The following RNF38 variants were observed in gnomAD, a reference collection of about 807,000 sequenced individuals.
RNF38 encodes ring finger protein 38, also known as E3 ubiquitin-protein ligase RNF38.
In RNF38, 15 loss-of-function variants were observed where a neutral mutation model predicts 67.2. The observed-to-expected ratio is 0.22, with a 90% CI of 0.15 to 0.34. The LOEUF (loss-of-function observed/expected upper bound fraction) is 0.34. Among genes scored for constraint, RNF38 ranks in the 10% least tolerant of loss-of-function variants. The pLI is 1.00. For missense variants in RNF38, 524 were observed against 639.9 expected (o/e 0.82, Z 1.95); for synonymous variants, 220 against 218.8 (o/e 1.01, Z -0.05).
intron 2 of RNF38, among the ~76,000 whole-genome samples, chr9:36,421,030 G>A (rs1003313073): frequency 6.6e-6 from 1 of 152,174 alleles, no homozygotes; most frequent in Non-Finnish European, 1.5e-5. Flanking sequence ...TAGAGAGGAT[G>A]TCCAACAAAT....
chr9:36,480,829 G>A (rs1435874845), intron 1 of RNF38, among the ~76,000 whole-genome samples: 1 of 150,120 alleles, frequency 6.7e-6, no homozygotes, highest in East Asian at 2.0e-4. Flanking sequence ...GGATTACAGG[G>A]GTGAGCCGCC....
At chr9:36,390,717 T>C in intron 1 of RNF38, 101 bp from the exon 2 acceptor site, 2 of 1,185,712 alleles carry the variant, frequency 1.7e-6, no homozygotes, top group South Asian at 1.5e-5. Context: ...TATTTGATGA[T>C]TCTGCTAGCG....
intron 1 of RNF38, among the ~76,000 whole-genome samples, chr9:36,484,592 C>A (rs2134465128): frequency 6.6e-6 from 1 of 152,096 alleles, no homozygotes; most frequent in South Asian, 2.1e-4. Flanking sequence ...ATAAATAAAG[C>A]CCTTTTGGGT....
At chr9:36,401,329 C>T (rs1449151613), upstream of RNF38, 4 of 531,292 alleles carry the variant, frequency 7.5e-6, no homozygotes, top group South Asian at 1.7e-4. Context: ...CCCTGCGGAC[C>T]GCAGGGCCCT....
intron 1 of RNF38, among the ~76,000 whole-genome samples, chr9:36,479,852 C>A (rs543989348): frequency 6.6e-6 from 1 of 152,134 alleles, no homozygotes; most frequent in Non-Finnish European, 1.5e-5. Flanking sequence ...GTAATCCTAG[C>A]ACTTAGGGAA....
At chr9:36,475,505 C>T (rs933639623) in intron 1 of RNF38, among the ~76,000 whole-genome samples, 15 of 151,682 alleles carry the variant, frequency 9.9e-5, no homozygotes, top group African/African-American at 3.1e-4. Context: ...TTACAGGCGC[C>T]CACCACCACA....
At chr9:36,390,731 A>G (rs1837016006) in intron 1 of RNF38, 115 bp from the exon 2 acceptor site, 1 of 1,076,964 alleles carries the variant, frequency 9.3e-7, no homozygotes, top group Non-Finnish European at 1.3e-6. Flanking sequence ...GCTAGCGAAG[A>G]CAGGAAAGAA....
chr9:36,380,303 G>A (rs1040186964), intron 2 of RNF38, among the ~76,000 whole-genome samples: 4 of 152,136 alleles, frequency 2.6e-5, no homozygotes, highest in Admixed American at 6.5e-5. Flanking sequence ...GGGTTCAAGC[G>A]ATTCTCCTGC....
At chr9:36,377,400 G>GA (rs1438838900) in intron 2 of RNF38, among the ~76,000 whole-genome samples, 3 of 152,144 alleles carry the variant, frequency 2.0e-5, no homozygotes, top group Non-Finnish European at 4.4e-5. Context: ...AATCAGAACT[G>GA]ATTATTTAAG....
chr9:36,479,204 C>G lies in RNF38; in HGVS notation n.241+8104G>C, dbSNP rs11794271. On this transcript the variant is annotated intron_variant and non_coding_transcript_variant, in intron 1 of 3. Transcript: ENST00000488058. ...GGATACCATCTTTACCCCGCCTGCC[C>G]CCACTACTTGGTTGTGCCTAGGGAA... Among the ~76,000 whole-genome samples the G allele has an allele frequency of 1.2e-3, 190 of 152,300 alleles. 1 individual carries two copies. The highest frequency in any genetic ancestry group is 2.3e-3 in the Non-Finnish European group (155 of 68,036).
rs369357229 is a variant in RNF38, at chr9:36,487,070, G to A, written n.241+238C>T. 3.0e-4 allele frequency among the ~76,000 whole-genome samples: 45 copies of A among 152,322 alleles called. No individual in the cohort carries two copies. In the East Asian group the frequency reaches 8.3e-3, roughly 28 times the overall value. On this transcript the variant is annotated intron_variant and non_coding_transcript_variant, in intron 1 of 3. Transcript: ENST00000488058. The stretch of plus-strand genomic sequence containing the variant: ...CTCCTCCGCCGAGCAGAGACCTAGA[G>A]AGGTCCTGCCCTGCACACCCTGGGG...
chr9:36,469,601 T>C (rs1199385712), intron 1 of RNF38, among the ~76,000 whole-genome samples: 1 of 151,992 alleles, frequency 6.6e-6, no homozygotes, highest in Non-Finnish European at 1.5e-5. Context: ...GTGGAGGTTG[T>C]GGTGAGCCAA....
At chr9:36,340,348 G>A (rs1832748073) in intron 11 of RNF38, among the ~76,000 whole-genome samples, 3 of 152,194 alleles carry the variant, frequency 2.0e-5, no homozygotes, top group Admixed American at 2.0e-4. Context: ...TTTGGACCAA[G>A]TTAACAACTG....
At chr9:36,457,131 C>T (rs546735555) in intron 1 of RNF38, among the ~76,000 whole-genome samples, 2 of 150,748 alleles carry the variant, frequency 1.3e-5, no homozygotes, top group African/African-American at 4.8e-5. Flanking sequence ...AGAAATAAAA[C>T]AAAACCTTAA....
chr9:36,396,331 G>A (rs888017493), intron 1 of RNF38, among the ~76,000 whole-genome samples: 4 of 152,126 alleles, frequency 2.6e-5, no homozygotes, highest in African/African-American at 9.7e-5. Context: ...GAAGTCAGTG[G>A]TTGCCCAGTA....
chr9:36,461,784 A>T (rs981509712), intron 1 of RNF38, among the ~76,000 whole-genome samples: 2 of 152,156 alleles, frequency 1.3e-5, no homozygotes, highest in African/African-American at 4.8e-5. Flanking sequence ...TGGTTTAAGC[A>T]TTTCCGATGG....
At chr9:36,382,234 A>G (rs1010850082) in intron 2 of RNF38, among the ~76,000 whole-genome samples, 1 of 152,222 alleles carries the variant, frequency 6.6e-6, no homozygotes, top group Non-Finnish European at 1.5e-5. Context: ...CTATTATTTA[A>G]TAATATAGAA....
intron 4 of RNF38, among the ~76,000 whole-genome samples, chr9:36,360,100 TTCTG>T (rs1291802627): frequency 6.6e-6 from 1 of 152,136 alleles, no homozygotes; most frequent in South Asian, 2.1e-4. Flanking sequence ...AATATCACGG[TTCTG>T]TCTTTCAAGA....
At chr9:36,379,468 A>C (rs1384173886) in intron 2 of RNF38, among the ~76,000 whole-genome samples, 1 of 152,162 alleles carries the variant, frequency 6.6e-6, no homozygotes, top group Non-Finnish European at 1.5e-5. Flanking sequence ...ATTGAACCCA[A>C]ATTTTGTACT....
Sources: allele counts gnomAD v4.1 joint callset (sites outside exome capture counted in the v4.1 genomes callset), GRCh38; gene constraint gnomAD v4.1.1; transcripts MANE v1.5; gene names NCBI Gene and HGNC (gene_info 2026-07-23, HGNC 2026-07-21).